The following LRRC74A variants were observed in gnomAD, a reference collection of about 807,000 sequenced individuals.
LRRC74A encodes leucine rich repeat containing 74A.
Under a neutral mutation model 57.9 loss-of-function variants are expected in LRRC74A, and 44 were observed. The observed-to-expected ratio is 0.76, with a 90% confidence interval of 0.60 to 0.98. The LOEUF (loss-of-function observed/expected upper bound fraction) is 0.98, where lower values mean the gene tolerates loss of function less well. Among genes scored for constraint, LRRC74A ranks in the 50% least tolerant of loss-of-function variants. The pLI is 0.00. For synonymous variants in LRRC74A, 211 were observed against 219.4 expected (o/e 0.96, Z 0.34); for missense variants, 572 against 574.0 (o/e 1.00, Z 0.04).
chr14:76,844,585 T>TG (rs1896996680), intron 6 of LRRC74A, 113 bp downstream of exon 6: 1 of 1,147,108 alleles, frequency 8.7e-7, no homozygotes, highest in Admixed American at 2.0e-5. Flanking sequence ...TGTTAGGGAC[T>TG]GGGGAGTGTT....
chr14:76,851,232 G>A (rs541224790), intron 7 of LRRC74A, among the ~76,000 whole-genome samples: 4 of 152,346 alleles, frequency 2.6e-5, no homozygotes, highest in African/African-American at 9.6e-5. Context: ...GCCATGATAG[G>A]CATCATGTGA....
At chr14:76,840,437 AC>A (rs1267704139) in intron 5 of LRRC74A, among the ~76,000 whole-genome samples, 1 of 152,198 alleles carries the variant, frequency 6.6e-6, no homozygotes, top group Non-Finnish European at 1.5e-5. Context: ...AAAACTGATA[AC>A]CAGGTACTCC....
Position 76,828,363 on chromosome 14 carries a change from C to T in LRRC74A, c.110C>T (p.Thr37Ile). ...TACTGTGAGGCCGAATCCCCGCCGA[C>T]TGTTGAAAAAGTGAAACCAGCCCGG... Reference protein sequence around the residue: ...MLYCEAESPPTVEKVKPAREN... With the variant: ...MLYCEAESPPIVEKVKPAREN... The change falls in exon 2 of 14, where the codon ACT (threonine) becomes ATT (isoleucine). Residue 37 changes from threonine (T) to isoleucine (I), a missense_variant. By Grantham distance (89) the Thr-to-Ile change is moderately conservative. Coordinates refer to ENST00000689127, the MANE Select transcript of LRRC74A (RefSeq NM_001385106.1). 1 of 1,613,866 alleles carries T rather than the reference C, an allele frequency of 6.2e-7. No homozygotes were observed. The highest frequency in any genetic ancestry group is 8.5e-7 in the Non-Finnish European group (1 of 1,179,772).
rs140411368 is a variant in LRRC74A, at chr14:76,867,787, G to A, written c.1391+349G>A. ...GGAGCCGTAGGGGTGTGTACCAGGCGCCCTTGCAGCCCAAAGAGGAAGTGT... is the reference window on the plus strand; with the variant it reads ...GGAGCCGTAGGGGTGTGTACCAGGCACCCTTGCAGCCCAAAGAGGAAGTGT... On this transcript the variant is annotated intron_variant, in intron 13 of 13. Transcript: ENST00000689127. 7.2e-5 allele frequency among the ~76,000 whole-genome samples: 11 copies of A among 152,250 alleles called. No homozygotes were observed. The East Asian group carries it at 1.2e-3, about 16-fold the overall frequency.
intron 5 of LRRC74A, among the ~76,000 whole-genome samples, chr14:76,841,235 T>A (rs2140275106): frequency 6.6e-6 from 1 of 152,066 alleles, no homozygotes; most frequent in East Asian, 1.9e-4. Context: ...AGAGACAGAG[T>A]TTTGCCATGT....
At chr14:76,835,709 C>T (rs369149664) in intron 3 of LRRC74A, among the ~76,000 whole-genome samples, 4 of 151,726 alleles carry the variant, frequency 2.6e-5, no homozygotes, top group South Asian at 2.1e-4. Flanking sequence ...ACATAGACCC[C>T]GTCTCAAAAA....
chr14:76,830,933 T>G (rs1895928705), intron 2 of LRRC74A, among the ~76,000 whole-genome samples: 2 of 152,226 alleles, frequency 1.3e-5, no homozygotes, highest in South Asian at 4.1e-4. Context: ...TGAAGCCCAC[T>G]GCTCACTTCT....
intron 7 of LRRC74A, among the ~76,000 whole-genome samples, chr14:76,850,180 C>A (rs928220424): frequency 2.6e-5 from 4 of 152,278 alleles, no homozygotes; most frequent in East Asian, 1.9e-4. Flanking sequence ...TGCACTCCAG[C>A]CTGGGCGACA....
intron 12 of LRRC74A, 43 bp from the exon 13 acceptor site, chr14:76,867,313 A>G: frequency 1.0e-6 from 1 of 955,212 alleles, no homozygotes. Context: ...GGGAGGGGTG[A>G]ACAGAGTTCT....
At chr14:76,853,652 C>T (rs1348270687) in intron 9 of LRRC74A, among the ~76,000 whole-genome samples, 1 of 152,042 alleles carries the variant, frequency 6.6e-6, no homozygotes, top group African/African-American at 2.4e-5. Flanking sequence ...ACAGGTCTTC[C>T]TTCCTCCCAT....
At chr14:76,866,164 A>G in intron 12 of LRRC74A, 89 bp downstream of exon 12, 1 of 1,026,982 alleles carries the variant, frequency 9.7e-7, no homozygotes, top group Non-Finnish European at 1.5e-6. Flanking sequence ...AGAAGGAGCA[A>G]AAGAGCTTGT....
At chr14:76,847,247 T>C (rs1897167242) in intron 7 of LRRC74A, among the ~76,000 whole-genome samples, 1 of 152,102 alleles carries the variant, frequency 6.6e-6, no homozygotes, top group Admixed American at 6.6e-5. Flanking sequence ...GCTTTGAAAG[T>C]CCTATTTTAA....
intron 10 of LRRC74A, among the ~76,000 whole-genome samples, chr14:76,857,814 C>T (rs548357879): frequency 6.6e-6 from 1 of 152,134 alleles, no homozygotes; most frequent in Non-Finnish European, 1.5e-5. Flanking sequence ...GATGAGTGGC[C>T]CTCGGTCCCT....
intron 8 of LRRC74A, 115 bp from the exon 9 acceptor site, chr14:76,853,101 G>A: frequency 1.1e-6 from 1 of 928,074 alleles, no homozygotes. Flanking sequence ...CATCAGTCCT[G>A]GGGACCACTG....
In LRRC74A at chr14:76,831,237, G is replaced by A. The variant is rs998402921; in HGVS notation, c.201G>A (p.Glu67=). The A allele has an allele frequency of 6.2e-7, 1 of 1,613,920 alleles. No homozygotes were observed. The highest frequency in any genetic ancestry group is 8.5e-7 in the Non-Finnish European group (1 of 1,179,896). The change falls in exon 3 of 14, where the codon GAG becomes GAA. Residue 67 remains glutamate (E), a synonymous_variant. Coordinates refer to ENST00000689127, the MANE Select transcript of LRRC74A (RefSeq NM_001385106.1). ...DEKFFTTGQK[E]LYLEACKLMG... is the part of the protein sequence containing the mutation. ...AATTTTTCACCACTGGACAAAAGGA[G>A]CTGTACCTGGAGGCCTGCAAGCTGA...
At chr14:76,833,769 T>C (rs959193911) in intron 3 of LRRC74A, among the ~76,000 whole-genome samples, 10 of 152,192 alleles carry the variant, frequency 6.6e-5, no homozygotes, top group African/African-American at 1.9e-4. Context: ...TAGTATATTA[T>C]AATAAATGTT....
intron 7 of LRRC74A, among the ~76,000 whole-genome samples, chr14:76,849,143 C>G (rs997281020): frequency 2.0e-5 from 3 of 152,062 alleles, no homozygotes; most frequent in African/African-American, 4.8e-5. Context: ...ATGAGACAGA[C>G]TGTGCTCTCT....
intron 5 of LRRC74A, among the ~76,000 whole-genome samples, chr14:76,842,904 T>G (rs1317768846): frequency 1.3e-5 from 2 of 152,166 alleles, no homozygotes; most frequent in African/African-American, 2.4e-5. Flanking sequence ...AATATCCTGA[T>G]GTGCAAAATA....
intron 7 of LRRC74A, among the ~76,000 whole-genome samples, chr14:76,850,009 C>A (rs1006616955): frequency 6.6e-6 from 1 of 151,852 alleles, no homozygotes; most frequent in Admixed American, 6.6e-5. Flanking sequence ...GAGATTGAGA[C>A]CATCCTGGCT....
Sources: allele counts gnomAD v4.1 joint callset (sites outside exome capture counted in the v4.1 genomes callset), GRCh38; gene constraint gnomAD v4.1.1; transcripts MANE v1.5; gene names NCBI Gene and HGNC (gene_info 2026-07-23, HGNC 2026-07-21).